Variants in ANKS1B observed in about 807,000 individuals in gnomAD.
ANKS1B encodes the protein ankyrin repeat and sterile alpha motif domain-containing protein 1B.
A neutral mutation model predicts 148.3 loss-of-function variants in ANKS1B; 36 were observed. That is an observed-to-expected ratio of 0.24 (90% confidence interval 0.19 to 0.32). The LOEUF is 0.32. ANKS1B is among the 10% of genes least tolerant of loss of function. The pLI is 1.00. For missense variants in ANKS1B, 1,157 were observed against 1,542.6 expected (o/e 0.75, Z 4.19); for synonymous variants, 542 against 560.8 (o/e 0.97, Z 0.47).
At chr12:99,617,599 G>A (rs1374072368) in intron 9 of ANKS1B, among the ~76,000 whole-genome samples, 1 of 152,068 alleles carries the variant, frequency 6.6e-6, no homozygotes, top group Non-Finnish European at 1.5e-5. Flanking sequence ...GAGAACACAT[G>A]GACCTGGGGA....
At chr12:99,864,731 C>T (rs1440620027) in intron 1 of ANKS1B, among the ~76,000 whole-genome samples, 1 of 152,142 alleles carries the variant, frequency 6.6e-6, no homozygotes, top group East Asian at 1.9e-4. Context: ...ATAACATCTA[C>T]CTTGGAAAGT....
At chr12:98,997,891 G>T (rs1362789651) in intron 17 of ANKS1B, among the ~76,000 whole-genome samples, 1 of 152,030 alleles carries the variant, frequency 6.6e-6, no homozygotes, top group Non-Finnish European at 1.5e-5. Flanking sequence ...TCATTTCAAG[G>T]TTCTTTAGAG....
chr12:99,852,704 A>G (rs1215954612), intron 1 of ANKS1B, among the ~76,000 whole-genome samples: 1 of 152,204 alleles, frequency 6.6e-6, no homozygotes, highest in Non-Finnish European at 1.5e-5. Context: ...CAGGAAAGCC[A>G]AGAGAATGCA....
At chr12:98,785,612 G>C (rs1593589298) in intron 22 of ANKS1B, among the ~76,000 whole-genome samples, 1 of 152,238 alleles carries the variant, frequency 6.6e-6, no homozygotes, top group East Asian at 1.9e-4. Flanking sequence ...TGTGAGCACG[G>C]GGCTTCAGTC....
At chr12:99,666,740 GACAA>G (rs1242416133) in intron 8 of ANKS1B, among the ~76,000 whole-genome samples, 5 of 152,058 alleles carry the variant, frequency 3.3e-5, no homozygotes, top group East Asian at 3.9e-4. Flanking sequence ...GGGCATAATT[GACAA>G]ACAAAACTGT....
In ANKS1B at chr12:99,984,109, C is replaced by T. The variant is rs751723849; in HGVS notation, c.129G>A (p.Leu43=). ...GGSGPLPLSN[L]LSIWRGPNVN... Reference sequence around the variant, plus strand: ...GAGCTGGTGCCCGTCCTTACCTTAGCAGATTAGACAGGGGCAGGGGTCCGG... The same window carrying T: ...GAGCTGGTGCCCGTCCTTACCTTAGTAGATTAGACAGGGGCAGGGGTCCGG... The change falls in exon 1 of 27, where the codon CTG becomes CTA. Residue 43 remains leucine, a synonymous_variant. Transcript: ENST00000683438. 1.1e-5 allele frequency: 17 copies of T among 1,612,402 alleles called. No homozygotes were observed. In the Admixed American group the frequency reaches 2.2e-4, roughly 21 times the overall value.
intron 1 of ANKS1B, among the ~76,000 whole-genome samples, chr12:99,923,904 T>C (rs1300892705): frequency 6.6e-6 from 1 of 152,168 alleles, no homozygotes; most frequent in African/African-American, 2.4e-5. Context: ...TTCAGGTTCA[T>C]GCTGGTACAA....
At chr12:99,815,266 A>G (rs958689273) in intron 2 of ANKS1B, among the ~76,000 whole-genome samples, 1 of 151,720 alleles carries the variant, frequency 6.6e-6, no homozygotes, top group Non-Finnish European at 1.5e-5. Context: ...ATGACAAGTG[A>G]AAAAACGTCT....
intron 13 of ANKS1B, among the ~76,000 whole-genome samples, chr12:99,245,272 T>A (rs910761090): frequency 2.0e-5 from 3 of 152,178 alleles, no homozygotes; most frequent in Non-Finnish European, 4.4e-5. Flanking sequence ...TGTTAATTAA[T>A]CCTGCCTCTA....
intron 19 of ANKS1B, among the ~76,000 whole-genome samples, chr12:98,826,783 G>A (rs926991340): frequency 6.6e-6 from 1 of 152,194 alleles, no homozygotes; most frequent in Non-Finnish European, 1.5e-5. Context: ...GGAGCTCCAG[G>A]TTGGAAGGAG....
intron 9 of ANKS1B, among the ~76,000 whole-genome samples, chr12:99,547,631 T>G (rs1440205630): frequency 6.6e-6 from 1 of 152,142 alleles, no homozygotes; most frequent in African/African-American, 2.4e-5. Context: ...CCCTAGGAGG[T>G]AGAATACAAA....
chr12:99,802,437 G>C (rs964137272), intron 4 of ANKS1B, among the ~76,000 whole-genome samples: 6 of 151,944 alleles, frequency 3.9e-5, no homozygotes, highest in Non-Finnish European at 7.4e-5. Flanking sequence ...ATCTTACTTT[G>C]ACTGATTCTC....
At chr12:99,798,560 T>C (rs931723867) in intron 4 of ANKS1B, among the ~76,000 whole-genome samples, 1 of 151,948 alleles carries the variant, frequency 6.6e-6, no homozygotes, top group Admixed American at 6.6e-5. Flanking sequence ...TGTTCAATTG[T>C]GGGTATCTAA....
intron 14 of ANKS1B, among the ~76,000 whole-genome samples, chr12:99,158,532 G>T (rs2076311452): frequency 6.6e-6 from 1 of 152,000 alleles, no homozygotes; most frequent in African/African-American, 2.4e-5. Flanking sequence ...AGCTCCACAG[G>T]TCCAAGCCCC....
intron 9 of ANKS1B, among the ~76,000 whole-genome samples, chr12:99,644,903 T>C (rs1332976860): frequency 6.6e-6 from 1 of 152,154 alleles, no homozygotes; most frequent in Admixed American, 6.5e-5. Context: ...TGCACCACTC[T>C]GACCTCTACT....
chr12:99,883,612 G>GGC (rs1237646388), intron 1 of ANKS1B, among the ~76,000 whole-genome samples: 1 of 128,662 alleles, frequency 7.8e-6, no homozygotes, highest in African/African-American at 3.0e-5. Flanking sequence ...GCATAGACTT[G>GGC]GGGCAGGGGG....
intron 17 of ANKS1B, among the ~76,000 whole-genome samples, chr12:98,943,113 T>C (rs1322266155): frequency 6.6e-6 from 1 of 152,218 alleles, no homozygotes; most frequent in Non-Finnish European, 1.5e-5. Flanking sequence ...TGTTCAACCA[T>C]CTTTGGGCTT....
At chr12:98,784,393 AAAGAG>A (rs777682014) in intron 22 of ANKS1B, among the ~76,000 whole-genome samples, 3 of 152,188 alleles carry the variant, frequency 2.0e-5, no homozygotes, top group Non-Finnish European at 2.9e-5. Flanking sequence ...CACAGAAGCC[AAAGAG>A]GAGAGGGCTT....
intron 22 of ANKS1B, among the ~76,000 whole-genome samples, chr12:98,787,918 T>C (rs1178436091): frequency 1.4e-5 from 2 of 144,154 alleles, no homozygotes; most frequent in Non-Finnish European, 1.5e-5. Context: ...AGACTCTGGG[T>C]GACGGAGCAA....
Sources: allele counts gnomAD v4.1 joint callset (sites outside exome capture counted in the v4.1 genomes callset), GRCh38; gene constraint gnomAD v4.1.1; transcripts MANE v1.5; gene names NCBI Gene and HGNC (gene_info 2026-07-23, HGNC 2026-07-21).